The following SYS1 variants were observed in gnomAD, a reference collection of about 807,000 sequenced individuals.
SYS1 encodes the protein SYS1 golgi trafficking protein.
In SYS1, 8 loss-of-function variants were observed where a neutral mutation model predicts 17.8. The ratio of observed to expected loss-of-function variants is 0.45; its 90% confidence interval spans 0.26 to 0.81. The LOEUF is 0.81. Ranked by LOEUF, SYS1 falls within the 40% of genes least tolerant of loss-of-function variation. The pLI is 0.16. For synonymous variants in SYS1, 95 were observed against 90.9 expected (o/e 1.05, Z -0.26); for missense variants, 161 against 203.9 (o/e 0.79, Z 1.28).
At position 45,368,992 on chromosome 20, in the gene SYS1, A is replaced by G. The variant is rs1988501911; in HGVS notation, c.*1877A>G. 1 of 706,452 alleles carries G rather than the reference A, an allele frequency of 1.4e-6. No homozygotes were observed. The highest frequency in any genetic ancestry group is 1.7e-6 in the Non-Finnish European group (1 of 574,854). The allele number at this position is 706,452 out of a possible 1,614,324, so 43.8% of individuals were successfully genotyped here. A position where few individuals can be genotyped will look rare whatever the true frequency, so the allele number is the denominator to read the frequency against. The stretch of plus-strand genomic sequence containing the variant: ...CCCTGAGTGTTAATTTGATTTTTAG[A>G]AATGGCCAAAAGTCACGTGATCCAA... On this transcript the variant is annotated 3_prime_UTR_variant, in exon 4 of 4. Transcript: ENST00000243918.
chr20:45,368,525 A>T lies in SYS1; in HGVS notation c.*1410A>T, dbSNP rs548116779. ...TATGGTAACACAAATGAGTTTTGCT[A>T]TCTCTCTGAGAAGCTCATCTGACCT... On this transcript the variant is annotated 3_prime_UTR_variant, in exon 4 of 4. Transcript: ENST00000243918. 3.0e-5 allele frequency: 30 copies of T among 985,418 alleles called. No individual in the cohort carries two copies. The South Asian group carries it at 1.2e-3, about 40-fold the overall frequency. The allele number at this position is 985,418 out of a possible 1,614,324, so 61.0% of individuals were successfully genotyped here.
chr20:45,365,730 G>A (rs766737169), intron 3 of SYS1, 44 bp downstream of exon 3: 9 of 1,570,478 alleles, frequency 5.7e-6, no homozygotes, highest in East Asian at 4.5e-5. Context: ...GGCTCTTAGT[G>A]CTGGGACTAA....
chr20:45,363,213 G>GGCTCGTGTCCCT lies in SYS1; in HGVS notation c.-104_-103insTCGTGTCCCTGC. ...CGCTGGAGCTTTGCCTCTCTAGGCC[G>GGCTCGTGTCCCT]GCAGCGCCTCTCCTCCATGGTCCTG... On this transcript the variant is annotated 5_prime_UTR_variant, in exon 1 of 4. Coordinates refer to ENST00000243918, the MANE Select transcript of SYS1 (RefSeq NM_033542.4). The GGCTCGTGTCCCT allele has an allele frequency of 1.8e-6, 2 of 1,096,322 alleles. No individual in the cohort carries two copies. Among genetic ancestry groups the GGCTCGTGTCCCT allele is most frequent in the Non-Finnish European group, 2.2e-6 (2 of 898,066 alleles). 67.9% of individuals were successfully genotyped at this position (1,096,322 alleles called of 1,614,324 possible). A position where few individuals can be genotyped will look rare whatever the true frequency, so the allele number is the denominator to read the frequency against.
chr20:45,370,325 G>C (rs117986881), downstream of SYS1, among the ~76,000 whole-genome samples: 961 of 152,266 alleles, frequency 6.3e-3, 14 homozygotes, highest in Non-Finnish European at 6.5e-3. Flanking sequence ...CCACTACTGA[G>C]TTGGCATATC....
chr20:45,375,801 A>G (rs749059606), exon 4 of SYS1: 9 of 503,686 alleles, frequency 1.8e-5, no homozygotes, highest in Non-Finnish European at 2.8e-5. Flanking sequence ...AATATTGTCT[A>G]CATCATCTGC....
In SYS1 at chr20:45,367,645, C is replaced by A; in HGVS notation, c.*530C>A. 1.0e-6 allele frequency: 1 copy of A among 991,058 alleles called. No homozygotes were observed. The highest frequency in any genetic ancestry group is 1.2e-6 in the Non-Finnish European group (1 of 833,066). 61.4% of individuals were successfully genotyped at this position (991,058 alleles called of 1,614,324 possible). A position where few individuals can be genotyped will look rare whatever the true frequency, so the allele number is the denominator to read the frequency against. ...TAGGTGTGAAGTATTAGGCTGCTGT[C>A]AGGGAGAGGATGGCAGATGGAGGCA... On this transcript the variant is annotated 3_prime_UTR_variant, in exon 4 of 4. Coordinates refer to ENST00000243918, the MANE Select transcript of SYS1 (RefSeq NM_033542.4).
downstream of SYS1, among the ~76,000 whole-genome samples, chr20:45,370,226 A>T (rs1006941366): frequency 6.6e-6 from 1 of 152,162 alleles, no homozygotes; most frequent in African/African-American, 2.4e-5. Flanking sequence ...TGTGCCCAGC[A>T]TTGGCCAGAG....
At chr20:45,369,299 A>C (rs1160266696), downstream of SYS1, 1 of 152,146 alleles carries the variant, frequency 6.6e-6, no homozygotes, top group Non-Finnish European at 1.5e-5. Flanking sequence ...CGTCATCTGT[A>C]TCTTACAGAT....
exon 4 of SYS1, chr20:45,375,444 A>T (rs1450201900): frequency 1.2e-6 from 2 of 1,613,600 alleles, no homozygotes; most frequent in African/African-American, 2.7e-5. Flanking sequence ...CTTTTTTCTT[A>T]GGGTCCCCTG....
At chr20:45,374,209 C>T (rs951117618), downstream of SYS1, 6 of 678,726 alleles carry the variant, frequency 8.8e-6, no homozygotes, top group African/African-American at 7.2e-5. Context: ...CATTCTCCCA[C>T]GAAAGGGCTG....
chr20:45,363,474 G>T (rs1600743268), intron 1 of SYS1, 55 bp from the exon 2 acceptor site: 1 of 1,530,132 alleles, frequency 6.5e-7, no homozygotes, highest in Non-Finnish European at 8.8e-7. Context: ...CCCGGGCGGG[G>T]CGACGTTGCC....
chr20:45,368,229 G>A lies in SYS1; in HGVS notation c.*1114G>A. 2.0e-6 allele frequency: 2 copies of A among 985,452 alleles called. No individual in the cohort carries two copies. Among genetic ancestry groups the A allele is most frequent in the Non-Finnish European group, 2.4e-6 (2 of 829,950 alleles). The allele number at this position is 985,452 out of a possible 1,614,324, so 61.0% of individuals were successfully genotyped here. ...CACCTTCTCCCTTTCCTGGACCCCA[G>A]AGTCATTCCTCCATTTGGTTAAAAT... On this transcript the variant is annotated 3_prime_UTR_variant, in exon 4 of 4. Transcript: ENST00000243918.
At chr20:45,365,338 C>T (rs1224606879) in intron 2 of SYS1, 3 of 506,218 alleles carry the variant, frequency 5.9e-6, no homozygotes, top group Non-Finnish European at 1.1e-5. Context: ...CTAGACTTTA[C>T]TCTTGTTGTT....
downstream of SYS1, among the ~76,000 whole-genome samples, chr20:45,372,027 A>C (rs1190944488): frequency 1.3e-5 from 2 of 152,166 alleles, no homozygotes; most frequent in Non-Finnish European, 2.9e-5. Context: ...CAAACACTTC[A>C]ATTTTTTCCC....
At position 45,365,609 on chromosome 20, in the gene SYS1, T is replaced by TC; in HGVS notation, c.163-5dup. 6.2e-7 allele frequency: 1 copy of TC among 1,613,998 alleles called. No homozygotes were observed. Among genetic ancestry groups the TC allele is most frequent in the Non-Finnish European group, 8.5e-7 (1 of 1,179,890 alleles). On this transcript the variant is annotated splice_polypyrimidine_tract_variant and intron_variant, in intron 2 of 3. Coordinates refer to ENST00000243918, the MANE Select transcript of SYS1 (RefSeq NM_033542.4). ...TCTCCAGTATATTTCCATTTGTGAT[T>TC]CCCCCTCAGATCCTGGGCTTTTCCA...
Position 45,367,237 on chromosome 20 carries a change from G to C in SYS1, c.*122G>C. On this transcript the variant is annotated 3_prime_UTR_variant, in exon 4 of 4. Transcript: ENST00000243918. ...ACCCTGGAAATGTGAAGTCTCTGTT[G>C]GTTTGGGAGAGATAGTGAGGGCCTG... 1 of 1,511,728 alleles carries C rather than the reference G, an allele frequency of 6.6e-7. No homozygotes were observed. Among genetic ancestry groups the C allele is most frequent in the East Asian group, 2.3e-5 (1 of 43,854 alleles). 93.6% of individuals were successfully genotyped at this position (1,511,728 alleles called of 1,614,324 possible).
chr20:45,374,121 A>G (rs957072312), downstream of SYS1: 55 of 994,178 alleles, frequency 5.5e-5, no homozygotes, highest in Non-Finnish European at 8.4e-5. Flanking sequence ...TAGGTTGGAA[A>G]TGCCTTTGCT....
rs199524948 is a variant in SYS1, at chr20:45,363,410, C to T, written c.-4+95C>T. On this transcript the variant is annotated intron_variant, in intron 1 of 3. Coordinates refer to ENST00000243918, the MANE Select transcript of SYS1 (RefSeq NM_033542.4). ...CACTCTGAGAATGGGTCTGTCTGCC[C>T]CGCCTTCCCCCTGACTCTTGGAATG... The T allele has an allele frequency of 6.5e-4, 940 of 1,447,462 alleles. 6 individuals are homozygous for T. In the African/African-American group the frequency reaches 0.012, roughly 19 times the overall value. The allele number at this position is 1,447,462 out of a possible 1,614,324, so 89.7% of individuals were successfully genotyped here.
Position 45,367,922 on chromosome 20 carries a change from T to C in SYS1, c.*807T>C. ...TGGACTCCAATTTTTTTTCCTGCCT[T>C]ATTTAGAATTCTTTGGCGGGAAGGG... On this transcript the variant is annotated 3_prime_UTR_variant, in exon 4 of 4. Transcript: ENST00000243918. 1.0e-6 allele frequency: 1 copy of C among 985,588 alleles called. No homozygotes were observed. Among genetic ancestry groups the C allele is most frequent in the Non-Finnish European group, 1.2e-6 (1 of 829,914 alleles). The allele number at this position is 985,588 out of a possible 1,614,324, so 61.1% of individuals were successfully genotyped here.
Sources: allele counts gnomAD v4.1 joint callset (sites outside exome capture counted in the v4.1 genomes callset), GRCh38; gene constraint gnomAD v4.1.1; transcripts MANE v1.5; gene names NCBI Gene and HGNC (gene_info 2026-07-23, HGNC 2026-07-21).